The following PRKAR2B variants were observed in gnomAD, a reference collection of about 807,000 sequenced individuals.
PRKAR2B encodes the protein protein kinase cAMP-dependent type II regulatory subunit beta.
PRKAR2B carries 14 observed loss-of-function variants against 49.9 expected under a neutral mutation model. That is an observed-to-expected ratio of 0.28 (90% CI 0.19 to 0.44). The LOEUF (loss-of-function observed/expected upper bound fraction) is 0.44. Ranked by LOEUF, PRKAR2B falls within the 20% of genes least tolerant of loss-of-function variation. The probability of loss-of-function intolerance (pLI) is 1.00; values close to 1 mark genes in which losing one functional copy is unlikely to be tolerated. For synonymous variants in PRKAR2B, 196 were observed against 197.7 expected (o/e 0.99, Z 0.07); for missense variants, 393 against 537.9 (o/e 0.73, Z 2.67).
intron 1 of PRKAR2B, among the ~76,000 whole-genome samples, chr7:107,046,819 C>T (rs1793707463): frequency 1.4e-5 from 2 of 147,272 alleles, no homozygotes; most frequent in East Asian, 1.9e-4. Flanking sequence ...AACTAAGGGG[C>T]TTGGTAAAGA....
chr7:107,087,585 G>C (rs1297735249), intron 2 of PRKAR2B, among the ~76,000 whole-genome samples: 2 of 152,132 alleles, frequency 1.3e-5, no homozygotes, highest in South Asian at 4.1e-4. Context: ...GATCCAGAGA[G>C]GTTAAGTCCT....
At chr7:107,099,273 G>A (rs1269838474) in intron 2 of PRKAR2B, among the ~76,000 whole-genome samples, 2 of 152,196 alleles carry the variant, frequency 1.3e-5, no homozygotes, top group Non-Finnish European at 2.9e-5. Flanking sequence ...AGACTTCTGT[G>A]CTAGCAGTGA....
At chr7:107,118,754 A>G (rs1163645174) in intron 2 of PRKAR2B, among the ~76,000 whole-genome samples, 1 of 152,198 alleles carries the variant, frequency 6.6e-6, no homozygotes, top group Admixed American at 6.5e-5. Context: ...GCTGGAGAGA[A>G]GGGTTGGCTT....
intron 1 of PRKAR2B, among the ~76,000 whole-genome samples, chr7:107,061,373 A>G (rs903957117): frequency 6.6e-6 from 1 of 152,202 alleles, no homozygotes; most frequent in African/African-American, 2.4e-5. Context: ...TGAACATGAT[A>G]TATCTCCCTT....
At chr7:107,101,099 T>G (rs1794953840) in intron 2 of PRKAR2B, among the ~76,000 whole-genome samples, 1 of 151,896 alleles carries the variant, frequency 6.6e-6, no homozygotes, top group Non-Finnish European at 1.5e-5. Flanking sequence ...GTAGCAGTTC[T>G]GGATTCTGAT....
Position 107,146,474 on chromosome 7 carries a change from C to T in PRKAR2B, c.741+13C>T. The T allele has an allele frequency of 1.2e-6, 2 of 1,606,828 alleles. No homozygotes were observed. The highest frequency in any genetic ancestry group is 8.5e-7 in the Non-Finnish European group (1 of 1,175,258). Reference sequence around the variant, plus strand: ...TCTGTGGGGTTTGGTGAGTAAAATACTTATTTGACCTGAATGTTATGATTT... The same window carrying T: ...TCTGTGGGGTTTGGTGAGTAAAATATTTATTTGACCTGAATGTTATGATTT... On this transcript the variant is annotated intron_variant, in intron 6 of 10. Transcript: ENST00000265717.
Position 107,045,020 on chromosome 7 carries a change from G to T in PRKAR2B, c.113G>T (p.Arg38Leu), listed in dbSNP as rs753974650. Residue 38 changes from arginine to leucine, a missense_variant, in exon 1 of 11, where the codon CGC becomes CTC. This residue lies in a region of PRKAR2B where 160 missense variants were observed against 147.6 expected (regional missense o/e 1.08). Transcript: ENST00000265717. ...LLEFALQHFT[R>L]LQQENERKGT... The stretch of plus-strand genomic sequence containing the variant: ...GAGTTCGCGCTGCAGCACTTCACCC[G>T]CCTGCAGCAGGAGAACGAGCGCAAA... 3 of 1,551,438 alleles carry T rather than the reference G, an allele frequency of 1.9e-6. No individual in the cohort carries two copies. Among genetic ancestry groups the T allele is most frequent in the Non-Finnish European group, 2.6e-6 (3 of 1,151,312 alleles).
At chr7:107,071,000 A>G (rs991555985) in intron 2 of PRKAR2B, among the ~76,000 whole-genome samples, 1 of 152,234 alleles carries the variant, frequency 6.6e-6, no homozygotes, top group African/African-American at 2.4e-5. Context: ...GGGAAGTATG[A>G]GACAGAATTA....
At chr7:107,137,885 TA>T (rs1795726305) in intron 4 of PRKAR2B, among the ~76,000 whole-genome samples, 1 of 152,160 alleles carries the variant, frequency 6.6e-6, no homozygotes, top group Non-Finnish European at 1.5e-5. Context: ...TTTAGTGTTC[TA>T]AAAATACATT....
intron 2 of PRKAR2B, among the ~76,000 whole-genome samples, chr7:107,092,583 A>G (rs111994275): frequency 1.8e-3 from 275 of 152,290 alleles, no homozygotes; most frequent in African/African-American, 6.4e-3. Context: ...ATTCAGTGTT[A>G]TAGTTGTTGC....
intron 2 of PRKAR2B, among the ~76,000 whole-genome samples, chr7:107,086,429 A>G (rs1341428047): frequency 6.6e-6 from 1 of 152,158 alleles, no homozygotes; most frequent in Non-Finnish European, 1.5e-5. Context: ...TGCTAGTAGC[A>G]TTACTAATAT....
rs138379211 is a variant in PRKAR2B at position 107,144,155 on chromosome 7, G to A, written c.588-2153G>A. 2.1e-4 allele frequency among the ~76,000 whole-genome samples: 32 copies of A among 151,786 alleles called. No homozygotes were observed. In the East Asian group the frequency reaches 6.2e-3, roughly 30 times the overall value. On this transcript the variant is annotated intron_variant, in intron 5 of 10. Transcript: ENST00000265717. ...GCTGGAGTGCAGTGGCGCAATCTCA[G>A]CTCACTGCACCCACTGTCCTCCTGG...
Position 107,160,423 on chromosome 7 carries a change from AT to A in PRKAR2B, c.*847del. ...AAGTGATTTAAACTTAAGATCCGAC[AT>A]TTTTTGTATTCTTTAAGATTTTACA... On this transcript the variant is annotated 3_prime_UTR_variant, in exon 11 of 11. Coordinates refer to ENST00000265717, the MANE Select transcript of PRKAR2B (RefSeq NM_002736.3). 1 of 152,138 alleles carries A rather than the reference AT, an allele frequency of 6.6e-6. No homozygotes were observed. The highest frequency in any genetic ancestry group is 1.9e-4 in the East Asian group (1 of 5,202). 9.4% of individuals were successfully genotyped at this position (152,138 alleles called of 1,614,324 possible). A position where few individuals can be genotyped will look rare whatever the true frequency, so the allele number is the denominator to read the frequency against.
At chr7:107,145,987 CG>C (rs1795886893) in intron 5 of PRKAR2B, among the ~76,000 whole-genome samples, 1 of 152,018 alleles carries the variant, frequency 6.6e-6, no homozygotes, top group Non-Finnish European at 1.5e-5. Context: ...GTGATCCACC[CG>C]CCTCAGCCTC....
At chr7:107,048,335 A>G (rs1205964469) in intron 1 of PRKAR2B, among the ~76,000 whole-genome samples, 1 of 152,144 alleles carries the variant, frequency 6.6e-6, no homozygotes, top group African/African-American at 2.4e-5. Flanking sequence ...GAAGCCCAGG[A>G]TGATCAGGGA....
intron 1 of PRKAR2B, among the ~76,000 whole-genome samples, chr7:107,057,767 A>T (rs1212127707): frequency 2.8e-5 from 4 of 144,078 alleles, no homozygotes; most frequent in Admixed American, 1.3e-4. Flanking sequence ...AATGTGTGTT[A>T]AAAAAAAACA....
intron 1 of PRKAR2B, among the ~76,000 whole-genome samples, chr7:107,046,244 T>C (rs1793691618): frequency 6.6e-6 from 1 of 152,212 alleles, no homozygotes; most frequent in African/African-American, 2.4e-5. Context: ...TGGAGTGCAG[T>C]GTGCAAGTGT....
chr7:107,150,266 T>TAA, intron 6 of PRKAR2B, among the ~76,000 whole-genome samples: 1 of 152,294 alleles, frequency 6.6e-6, no homozygotes, highest in Middle Eastern at 3.4e-3. Flanking sequence ...CATGATAGTA[T>TAA]AAACAGGAAC....
rs1433558064 is a variant in PRKAR2B, at chr7:107,084,444, A to G, written c.343+14128A>G. Among the ~76,000 whole-genome samples the G allele has an allele frequency of 3.3e-5, 5 of 152,198 alleles. No homozygotes were observed. The East Asian group carries it at 5.8e-4, about 18-fold the overall frequency. On this transcript the variant is annotated intron_variant, in intron 2 of 10. Transcript: ENST00000265717. ...ACCATATTAGTGGATATATATCTAG[A>G]AATATGTAAAGCGTAGTATTCATTT...
Sources: allele counts gnomAD v4.1 joint callset (sites outside exome capture counted in the v4.1 genomes callset), GRCh38; gene constraint gnomAD v4.1.1; regional missense constraint gnomAD v4.1.1; transcripts MANE v1.5; gene names NCBI Gene and HGNC (gene_info 2026-07-23, HGNC 2026-07-21).